NOS1: variants seen among roughly 807,000 people sequenced by gnomAD.
NOS1 encodes NOS type I.
Under a neutral mutation model 164.5 loss-of-function variants are expected in NOS1, and 51 were observed. The observed-to-expected ratio is 0.31, with a 90% confidence interval of 0.25 to 0.39. The LOEUF is 0.39. Ranked by LOEUF, NOS1 falls within the 10% of genes least tolerant of loss-of-function variation. The pLI, the probability that NOS1 is intolerant of heterozygous loss-of-function variation, is 1.00. For missense variants in NOS1, 1,362 were observed against 1,885.6 expected, an observed-to-expected ratio of 0.72 and a Z score of 5.14; for synonymous variants, 719 against 745.8, an observed-to-expected ratio of 0.96 and a Z score of 0.59.
At chr12:117,287,669 G>T (rs1872798238) in intron 5 of NOS1, among the ~76,000 whole-genome samples, 1 of 152,130 alleles carries the variant, frequency 6.6e-6, no homozygotes, top group Non-Finnish European at 1.5e-5. Context: ...GAATTCTTGG[G>T]CTCAAGCAAT....
At chr12:117,288,829 C>T (rs1415755479) in intron 4 of NOS1, among the ~76,000 whole-genome samples, 1 of 152,140 alleles carries the variant, frequency 6.6e-6, no homozygotes, top group Non-Finnish European at 1.5e-5. Context: ...CCCAAGCTAG[C>T]TTGCTGGAAG....
chr12:117,277,858 C>G lies in NOS1; in HGVS notation c.1664+101G>C, dbSNP rs1263546084. 7 of 1,354,946 alleles carry G rather than the reference C, an allele frequency of 5.2e-6. No homozygotes were observed. In the African/African-American group the frequency reaches 7.3e-5, roughly 14 times the overall value. The allele number at this position is 1,354,946 out of a possible 1,614,324, so 83.9% of individuals were successfully genotyped here. ...AAGCCCCCCTTTCCCCTTTCAGCTT[C>G]GGTCTGGACTAGAAAGAAAGCCAGG... On this transcript the variant is annotated intron_variant, in intron 9 of 28. Transcript: ENST00000317775.
At chr12:117,310,173 G>A (rs970447962) in intron 3 of NOS1, among the ~76,000 whole-genome samples, 2 of 152,174 alleles carry the variant, frequency 1.3e-5, no homozygotes, top group Non-Finnish European at 2.9e-5. Flanking sequence ...CTTCCAAAGT[G>A]TTGGATTACA....
At position 117,208,874 on chromosome 12, in the gene NOS1, C is replaced by T. The variant is rs1956485114; in HGVS notation, c.*6435G>A. On this transcript the variant is annotated 3_prime_UTR_variant, in exon 29 of 29. Coordinates refer to ENST00000317775, the MANE Select transcript of NOS1 (RefSeq NM_000620.5). ...AGTAGATGGGATTACAGATGCCCGC[C>T]ACCACGCCGGGCTGATTTTTGTATT... 1 of 608,764 alleles carries T rather than the reference C, an allele frequency of 1.6e-6. No homozygotes were observed. The highest frequency in any genetic ancestry group is 6.3e-5 in the Admixed American group (1 of 15,834). 37.7% of individuals were successfully genotyped at this position (608,764 alleles called of 1,614,324 possible).
chr12:117,248,669 G>C (rs1346186967), intron 17 of NOS1, among the ~76,000 whole-genome samples: 7 of 152,170 alleles, frequency 4.6e-5, no homozygotes, highest in Non-Finnish European at 8.8e-5. Flanking sequence ...GTGTGCATAT[G>C]TCTTTAAAGC....
chr12:117,272,640 G>T lies in NOS1; in HGVS notation c.1665-81C>A. ...AGCTTGAATCTAGAGATGCTGAAATGCCAAGGATGGACTGGGACTGACAAG... is the reference window on the plus strand; with the variant it reads ...AGCTTGAATCTAGAGATGCTGAAATTCCAAGGATGGACTGGGACTGACAAG... On this transcript the variant is annotated intron_variant, in intron 9 of 28. Transcript: ENST00000317775. The surrounding 1 kb of genome is among the most constrained non-coding windows in gnomAD (Gnocchi z 4.3). 1 of 1,346,868 alleles carries T rather than the reference G, an allele frequency of 7.4e-7. No homozygotes were observed. The highest frequency in any genetic ancestry group is 1.0e-6 in the Non-Finnish European group (1 of 968,288). The allele number at this position is 1,346,868 out of a possible 1,614,324, so 83.4% of individuals were successfully genotyped here. A position where few individuals can be genotyped will look rare whatever the true frequency, so the allele number is the denominator to read the frequency against.
intron 22 of NOS1, among the ~76,000 whole-genome samples, chr12:117,231,552 A>G (rs1869233533): frequency 6.6e-6 from 1 of 152,150 alleles, no homozygotes; most frequent in African/African-American, 2.4e-5. Flanking sequence ...ATATATACCT[A>G]CCAACCAAGT....
At chr12:117,336,100 G>A (rs1207333806) in intron 1 of NOS1, among the ~76,000 whole-genome samples, 1 of 152,170 alleles carries the variant, frequency 6.6e-6, no homozygotes. Context: ...GTCTAAGTGA[G>A]TGGTCAATCA....
chr12:117,267,990 G>T (rs1013511931), intron 11 of NOS1, 53 bp downstream of exon 11: 1 of 1,280,928 alleles, frequency 7.8e-7, no homozygotes, highest in Non-Finnish European at 1.1e-6. Flanking sequence ...GGCTCTGAAA[G>T]GTTTGAACTC....
Position 117,290,426 on chromosome 12 carries a change from G to A in NOS1, c.853C>T (p.Pro285Ser). 6.2e-7 allele frequency: 1 copy of A among 1,610,628 alleles called. No homozygotes were observed. Among genetic ancestry groups the A allele is most frequent in the Non-Finnish European group, 8.5e-7 (1 of 1,178,162 alleles). Residue 285 changes from proline (P) to serine (S), a missense_variant and splice_region_variant, in exon 4 of 29, where the codon CCC becomes TCC. Pro to Ser is a moderately conservative substitution (Grantham distance 74). Around this residue, in one of 4 missense-constraint regions of NOS1, gnomAD observed 362 missense variants for 402.0 expected, o/e 0.90. Transcript: ENST00000317775. ...GGGGACTGTTTTCCTGAGGTGGGGG[G>A]CTGCAGGAGAGAATGAAGGTGGAAG... ...LNNPYSEKEQ[P>S]PTSGKQSPTK...
intron 5 of NOS1, 39 bp downstream of exon 5, chr12:117,288,035 T>C (rs1872816808): frequency 1.9e-6 from 3 of 1,611,486 alleles, no homozygotes; most frequent in Non-Finnish European, 2.5e-6. Context: ...CAGCATTCGA[T>C]AACTTACCTC....
Position 117,243,375 on chromosome 12 carries a change from G to C in NOS1, c.2884C>G (p.Leu962Val). ...TTCCAGCTGCGATCATTGCTGATGAGGGAATTGTTGGCCTTTTCAATGTTG... is the reference window on the plus strand; with the variant it reads ...TTCCAGCTGCGATCATTGCTGATGACGGAATTGTTGGCCTTTTCAATGTTG... ...DVNIEKANNS[L>V]ISNDRSWKRN... The change falls in exon 19 of 29, where the codon CTC (leucine) becomes GTC (valine). Residue 962 changes from leucine (L) to valine (V), a missense_variant. Around this residue, in one of 4 missense-constraint regions of NOS1, gnomAD observed 737 missense variants for 1,030.3 expected, o/e 0.72. Transcript: ENST00000317775. The surrounding 1 kb of genome is among the most constrained non-coding windows in gnomAD (Gnocchi z 4.3). 6.2e-7 allele frequency: 1 copy of C among 1,614,148 alleles called. No homozygotes were observed.
At chr12:117,343,544 T>A (rs1489804715) in intron 1 of NOS1, among the ~76,000 whole-genome samples, 2 of 152,368 alleles carry the variant, frequency 1.3e-5, no homozygotes, top group Non-Finnish European at 2.9e-5. Context: ...AATTTCCTTT[T>A]GTGAAATCGA....
chr12:117,318,269 C>G (rs974191509), intron 2 of NOS1, among the ~76,000 whole-genome samples: 6 of 152,062 alleles, frequency 3.9e-5, no homozygotes, highest in African/African-American at 1.4e-4. Context: ...CAGAAGCACC[C>G]CAGGTGGTCC....
chr12:117,249,183 A>C (rs1037939387), intron 17 of NOS1, among the ~76,000 whole-genome samples: 6 of 152,192 alleles, frequency 3.9e-5, no homozygotes, highest in South Asian at 4.1e-4. Context: ...AGCCTGAACT[A>C]ATATATCTGG....
chr12:117,307,880 T>C (rs1874231926), intron 3 of NOS1, among the ~76,000 whole-genome samples: 1 of 151,788 alleles, frequency 6.6e-6, no homozygotes, highest in South Asian at 2.1e-4. Flanking sequence ...CCGAGTGTGG[T>C]GGCACACACC....
At chr12:117,347,497 C>G (rs1219638907) in intron 1 of NOS1, among the ~76,000 whole-genome samples, 1 of 152,096 alleles carries the variant, frequency 6.6e-6, no homozygotes, top group Non-Finnish European at 1.5e-5. Flanking sequence ...CCTGCAAAAC[C>G]CTGTGGCCCC....
chr12:117,222,076 G>A (rs1402315759), intron 26 of NOS1, among the ~76,000 whole-genome samples: 1 of 151,882 alleles, frequency 6.6e-6, no homozygotes, highest in African/African-American at 2.4e-5. Context: ...ATCACTATCT[G>A]GTTCCAGAAC....
At chr12:117,320,792 C>G (rs1368795855) in intron 2 of NOS1, among the ~76,000 whole-genome samples, 2 of 152,164 alleles carry the variant, frequency 1.3e-5, no homozygotes, top group African/African-American at 4.8e-5. Flanking sequence ...GTTCCTGTCT[C>G]AGGGCCTTTG....
Sources: allele counts gnomAD v4.1 joint callset (sites outside exome capture counted in the v4.1 genomes callset), GRCh38; gene constraint gnomAD v4.1.1; regional missense constraint gnomAD v4.1.1; non-coding constraint Gnocchi (gnomAD v3.1); transcripts MANE v1.5; gene names NCBI Gene and HGNC (gene_info 2026-07-23, HGNC 2026-07-21).